DCLK1: variants seen among roughly 807,000 people sequenced by gnomAD.
DCLK1 encodes the protein doublecortin like kinase 1, also known as serine/threonine-protein kinase DCLK1.
A neutral mutation model predicts 86.2 loss-of-function variants in DCLK1; 16 were observed. The observed-to-expected ratio is 0.19, with a 90% CI of 0.13 to 0.28. The LOEUF (loss-of-function observed/expected upper bound fraction) is 0.28, where lower values mean the gene tolerates loss of function less well. Ranked by LOEUF, DCLK1 falls within the 10% of genes least tolerant of loss-of-function variation. The probability of loss-of-function intolerance (pLI) is 1.00; values close to 1 mark genes in which losing one functional copy is unlikely to be tolerated. For synonymous variants in DCLK1, 369 were observed against 370.5 expected (o/e 1.00, Z 0.05); for missense variants, 590 against 940.2 (o/e 0.63, Z 4.87).
At position 35,848,343 on chromosome 13, in the gene DCLK1, A is replaced by T. The variant is rs374038879; in HGVS notation, c.1035+6156T>A. The T allele has an allele frequency of 1.1e-3, 1,100 of 985,104 alleles. 12 individuals are homozygous for T. The African/African-American group carries it at 0.012, about 11-fold the overall frequency. The allele number at this position is 985,104 out of a possible 1,614,324, so 61.0% of individuals were successfully genotyped here. On this transcript the variant is annotated intron_variant, in intron 6 of 16. Coordinates refer to ENST00000360631, the MANE Select transcript of DCLK1 (RefSeq NM_001330071.2). ...AAATTTTTATTTCTGCTTTAGTTTA[A>T]TAGAATTATGTTTTGCATAAAAAGA...
intron 2 of DCLK1, among the ~76,000 whole-genome samples, chr13:36,123,793 C>A (rs1271981844): frequency 6.6e-6 from 1 of 152,222 alleles, no homozygotes; most frequent in Non-Finnish European, 1.5e-5. Context: ...TGAGAGCTAT[C>A]ATTATTACCT....
At chr13:36,092,226 T>G (rs1884850540) in intron 3 of DCLK1, among the ~76,000 whole-genome samples, 1 of 152,006 alleles carries the variant, frequency 6.6e-6, no homozygotes, top group South Asian at 2.1e-4. Context: ...TATAGCTGTG[T>G]GATATCACAC....
intron 3 of DCLK1, among the ~76,000 whole-genome samples, chr13:35,979,211 C>G (rs938843425): frequency 3.9e-5 from 6 of 152,156 alleles, no homozygotes; most frequent in African/African-American, 1.2e-4. Flanking sequence ...AAGGCAGTAG[C>G]CCAAGGGCTG....
intron 1 of DCLK1, among the ~76,000 whole-genome samples, chr13:36,128,272 T>G (rs1301704407): frequency 6.6e-6 from 1 of 152,180 alleles, no homozygotes; most frequent in East Asian, 1.9e-4. Context: ...CTTCTAAACC[T>G]CATATTAATC....
intron 3 of DCLK1, among the ~76,000 whole-genome samples, chr13:36,058,232 C>G (rs1883407392): frequency 1.3e-5 from 2 of 152,148 alleles, no homozygotes; most frequent in South Asian, 4.1e-4. Context: ...TTGCCATTCA[C>G]TGGACAGAGT....
At chr13:35,950,235 A>T (rs2153133995) in intron 3 of DCLK1, among the ~76,000 whole-genome samples, 1 of 152,218 alleles carries the variant, frequency 6.6e-6, no homozygotes, top group East Asian at 1.9e-4. Flanking sequence ...AGGTTATAAT[A>T]AAGATGAATT....
chr13:36,071,134 T>C (rs1883959851), intron 3 of DCLK1, among the ~76,000 whole-genome samples: 1 of 152,054 alleles, frequency 6.6e-6, no homozygotes, highest in African/African-American at 2.4e-5. Context: ...TTCAGAATTT[T>C]TGACCAGAAA....
chr13:35,842,924 G>T (rs1381945352), intron 6 of DCLK1, among the ~76,000 whole-genome samples: 3 of 152,124 alleles, frequency 2.0e-5, no homozygotes, highest in Non-Finnish European at 2.9e-5. Context: ...CACCTAAATA[G>T]ACTAACTTAG....
chr13:35,918,916 G>T (rs1175395193), intron 4 of DCLK1, among the ~76,000 whole-genome samples: 2 of 4,018 alleles, frequency 5.0e-4, no homozygotes, highest in Non-Finnish European at 3.6e-3. Context: ...TTTTGGAAAC[G>T]GAGTCTCACT....
intron 3 of DCLK1, among the ~76,000 whole-genome samples, chr13:35,975,987 G>A (rs976633184): frequency 2.6e-5 from 4 of 152,170 alleles, no homozygotes; most frequent in African/African-American, 9.7e-5. Flanking sequence ...CAATGGCAGT[G>A]GCCTCTGTGG....
intron 1 of DCLK1, 44 bp from the exon 2 acceptor site, chr13:36,126,200 G>GTT (rs1202204751): frequency 7.8e-5 from 107 of 1,375,174 alleles, no homozygotes; most frequent in African/African-American, 2.8e-4. Context: ...ATTGATGTAG[G>GTT]TTATATATAT....
intron 15 of DCLK1, among the ~76,000 whole-genome samples, chr13:35,797,209 G>C (rs1037630123): frequency 2.0e-5 from 3 of 152,164 alleles, no homozygotes; most frequent in Admixed American, 2.0e-4. Context: ...AGATAGCTGG[G>C]TTTTCGTAAG....
At chr13:36,128,314 G>A (rs908055680) in intron 1 of DCLK1, among the ~76,000 whole-genome samples, 3 of 152,100 alleles carry the variant, frequency 2.0e-5, no homozygotes, top group African/African-American at 7.2e-5. Flanking sequence ...TAATATTCAG[G>A]TGAATATGGA....
intron 15 of DCLK1, 37 bp from the exon 16 acceptor site, chr13:35,793,516 G>A (rs2086746253): frequency 6.7e-7 from 1 of 1,499,088 alleles, no homozygotes; most frequent in Admixed American, 1.9e-5. Context: ...GAAAAAGAAA[G>A]AAAATGAGAT....
chr13:36,058,348 T>C (rs1883412348), intron 3 of DCLK1, among the ~76,000 whole-genome samples: 1 of 152,146 alleles, frequency 6.6e-6, no homozygotes, highest in African/African-American at 2.4e-5. Context: ...AGGGCTAGGC[T>C]GTGTGAGGAG....
rs372455119 is a variant in DCLK1, at chr13:36,002,905, T to C, written c.724-55448A>G. 4.0e-4 allele frequency among the ~76,000 whole-genome samples: 61 copies of C among 152,330 alleles called. 1 individual carries two copies. The South Asian group carries it at 0.013, about 32-fold the overall frequency. On this transcript the variant is annotated intron_variant, in intron 3 of 16. Transcript: ENST00000360631. Reference sequence around the variant, plus strand: ...TTTCAACTCTAAGGAAAGCTATGGCTGCACCCTGAGGGCTGGGGAGGCCTT... The same window carrying C: ...TTTCAACTCTAAGGAAAGCTATGGCCGCACCCTGAGGGCTGGGGAGGCCTT...
At chr13:35,870,146 G>A (rs1209180324) in intron 5 of DCLK1, among the ~76,000 whole-genome samples, 10 of 152,190 alleles carry the variant, frequency 6.6e-5, no homozygotes, top group Non-Finnish European at 1.5e-4. Flanking sequence ...CGTATTTCCT[G>A]ACTGGCTATG....
chr13:36,129,432 C>T (rs1886293200), intron 1 of DCLK1, among the ~76,000 whole-genome samples: 1 of 152,146 alleles, frequency 6.6e-6, no homozygotes, highest in East Asian at 1.9e-4. Flanking sequence ...TGAATCTGTC[C>T]AAAAGTGGGC....
intron 6 of DCLK1, chr13:35,846,390 T>C: frequency 1.0e-6 from 1 of 985,358 alleles, no homozygotes; most frequent in Non-Finnish European, 1.2e-6. Flanking sequence ...CTTTTAGATA[T>C]CTACTACCCT....
Sources: gnomAD v4.1 joint callset for allele counts (sites outside exome capture counted in the v4.1 genomes callset) on GRCh38, gnomAD v4.1.1 for gene constraint, MANE v1.5 for transcripts, NCBI Gene and HGNC (gene_info 2026-07-23, HGNC 2026-07-21) for gene names.